SYCP2L: variants seen among roughly 807,000 people sequenced by gnomAD.
SYCP2L encodes the protein synaptonemal complex protein 2 like.
SYCP2L carries 98 observed loss-of-function variants against 125.8 expected under a neutral mutation model. The observed-to-expected ratio is 0.78, with a 90% CI of 0.66 to 0.92. The LOEUF (loss-of-function observed/expected upper bound fraction) is 0.92. Among genes scored for constraint, SYCP2L ranks in the 40% least tolerant of loss-of-function variants. The pLI, the probability that SYCP2L is intolerant of heterozygous loss-of-function variation, is 0.00. For synonymous variants in SYCP2L, 317 were observed against 325.4 expected (o/e 0.97, Z 0.28); for missense variants, 842 against 936.4 (o/e 0.90, Z 1.32).
rs978052637 is a variant in SYCP2L, at chr6:10,908,945, C to G, written c.820-1203C>G. Among the ~76,000 whole-genome samples the G allele has an allele frequency of 2.0e-5, 3 of 152,274 alleles. No individual in the cohort carries two copies. The East Asian group carries it at 5.8e-4, about 29-fold the overall frequency. On this transcript the variant is annotated intron_variant, in intron 10 of 29. Coordinates refer to ENST00000283141, the MANE Select transcript of SYCP2L (RefSeq NM_001040274.3). ...AAAGCCCACCTCAAAGTCTTGAGAA[C>G]TCAGTGAGAGAAACTGAAAGGTCCA...
intron 17 of SYCP2L, among the ~76,000 whole-genome samples, chr6:10,927,831 G>A (rs148602330): frequency 0.016 from 2,451 of 151,008 alleles, 30 homozygotes; most frequent in South Asian, 0.034. Context: ...CTACAGTCTC[G>A]ACCATAGAAG....
intron 8 of SYCP2L, among the ~76,000 whole-genome samples, chr6:10,903,279 T>G (rs986352609): frequency 6.6e-6 from 1 of 151,836 alleles, no homozygotes; most frequent in Non-Finnish European, 1.5e-5. Context: ...CCAGGCGTGG[T>G]GGCTCACGCC....
chr6:10,967,213 A>G (rs1781696769), intron 29 of SYCP2L, among the ~76,000 whole-genome samples: 1 of 152,152 alleles, frequency 6.6e-6, no homozygotes, highest in Non-Finnish European at 1.5e-5. Flanking sequence ...TATTTTTAAT[A>G]TAAGTTTTAT....
Position 10,928,444 on chromosome 6 carries a change from A to G in SYCP2L, c.1482A>G (p.Gln494=). ...CGTTCGGGGTCCCTGACTTCCCGCA[A>G]CAACCTGTGAGTACAGGGAGTGGGG... ...VPPFGVPDFP[Q]QPKSHYRKHL... The change falls in exon 18 of 30, where the codon CAA becomes CAG. Residue 494 remains glutamine, a synonymous_variant. Coordinates refer to ENST00000283141, the MANE Select transcript of SYCP2L (RefSeq NM_001040274.3). 1 of 1,587,120 alleles carries G rather than the reference A, an allele frequency of 6.3e-7. No individual in the cohort carries two copies. The highest frequency in any genetic ancestry group is 2.4e-5 in the East Asian group (1 of 42,358).
chr6:10,905,219 T>C (rs1780466058), intron 8 of SYCP2L, among the ~76,000 whole-genome samples: 1 of 150,130 alleles, frequency 6.7e-6, no homozygotes, highest in Non-Finnish European at 1.5e-5. Context: ...TGAGTGAATA[T>C]ACAATTCAGG....
chr6:10,942,535 A>G lies in SYCP2L; in HGVS notation c.1884+6A>G, dbSNP rs748741759. ...AAGATGAAGAAAAACCTAAGGTACT[A>G]TTTAATTGTTGGTTATTCATCTGAT... On this transcript the variant is annotated splice_donor_region_variant and intron_variant, in intron 22 of 29. Transcript: ENST00000283141. 1.9e-6 allele frequency: 3 copies of G among 1,601,808 alleles called. No individual in the cohort carries two copies. The highest frequency in any genetic ancestry group is 2.3e-5 in the South Asian group (2 of 88,696).
chr6:10,939,148 T>G (rs1248983202), intron 21 of SYCP2L, among the ~76,000 whole-genome samples: 2 of 151,072 alleles, frequency 1.3e-5, no homozygotes, highest in Admixed American at 6.6e-5. Context: ...TCATTGATAA[T>G]AGCTTACAAA....
intron 21 of SYCP2L, among the ~76,000 whole-genome samples, chr6:10,936,564 ACAAT>A (rs1272134995): frequency 6.6e-6 from 1 of 152,198 alleles, no homozygotes; most frequent in African/African-American, 2.4e-5. Context: ...CAAAAGAGTA[ACAAT>A]CAACAAAATG....
At chr6:10,942,170 A>G (rs1781236057) in intron 21 of SYCP2L, among the ~76,000 whole-genome samples, 1 of 124,530 alleles carries the variant, frequency 8.0e-6, no homozygotes, top group African/African-American at 3.0e-5. Context: ...GGGGGGAGGG[A>G]TAGCATTAAG....
intron 8 of SYCP2L, among the ~76,000 whole-genome samples, chr6:10,903,762 A>G (rs977926704): frequency 4.6e-5 from 7 of 151,978 alleles, no homozygotes; most frequent in Non-Finnish European, 8.8e-5. Context: ...AAAAAATAAA[A>G]ATAAATAAAA....
intron 23 of SYCP2L, among the ~76,000 whole-genome samples, chr6:10,946,803 CTAAG>C (rs572863102): frequency 3.8e-4 from 58 of 151,422 alleles, no homozygotes; most frequent in Non-Finnish European, 6.5e-4. Flanking sequence ...TAAAATTTGT[CTAAG>C]TAAGTCTAAA....
rs1781312953 is a variant in SYCP2L, at chr6:10,946,214, A to AT, written c.1954+3474dup. ...CATTTTGCATAAGTATTTTTATTGT[A>AT]TTTTTTACCTCTACTCATTTGTAGT... On this transcript the variant is annotated intron_variant, in intron 23 of 29. Coordinates refer to ENST00000283141, the MANE Select transcript of SYCP2L (RefSeq NM_001040274.3). Among the ~76,000 whole-genome samples, 5 of 151,668 alleles carry AT rather than the reference A, an allele frequency of 3.3e-5. No homozygotes were observed. The South Asian group carries it at 8.3e-4, about 25-fold the overall frequency.
Position 10,930,452 on chromosome 6 carries a change from A to G in SYCP2L, c.1571A>G (p.Lys524Arg), listed in dbSNP as rs1581831349. 1.2e-6 allele frequency: 2 copies of G among 1,613,826 alleles called. No individual in the cohort carries two copies. The highest frequency in any genetic ancestry group is 2.2e-5 in the East Asian group (1 of 44,772). The change falls in exon 19 of 30, where the codon AAA (lysine) becomes AGA (arginine). Residue 524 changes from lysine (K) to arginine (R), a missense_variant. Lys to Arg is a conservative substitution (Grantham distance 26). Coordinates refer to ENST00000283141, the MANE Select transcript of SYCP2L (RefSeq NM_001040274.3). ...GAACTATCTTGGACCAGTAACCAGA[A>G]AAAGAAATCCCTAAAATCATATTCC... ...TSELSWTSNQ[K>R]KKSLKSYSSR...
At chr6:10,913,522 T>A (rs1373226388) in intron 14 of SYCP2L, among the ~76,000 whole-genome samples, 1 of 152,206 alleles carries the variant, frequency 6.6e-6, no homozygotes, top group Non-Finnish European at 1.5e-5. Flanking sequence ...TTGTATATCT[T>A]TTGAGAATTG....
At chr6:10,898,722 ATGCCT>A in intron 5 of SYCP2L, 97 bp from the exon 6 acceptor site, 1 of 827,094 alleles carries the variant, frequency 1.2e-6, no homozygotes, top group Non-Finnish European at 2.0e-6. Flanking sequence ...TGTAAAGTCA[ATGCCT>A]GCCTGTTAGA....
chr6:10,900,121 A>G (rs1336150250), intron 6 of SYCP2L, among the ~76,000 whole-genome samples: 1 of 152,190 alleles, frequency 6.6e-6, no homozygotes, highest in Admixed American at 6.5e-5. Context: ...TGACTGTGTT[A>G]GTCCAATTAG....
intron 4 of SYCP2L, 149 bp downstream of exon 4, chr6:10,894,353 C>A: frequency 9.2e-7 from 1 of 1,081,300 alleles, no homozygotes; most frequent in Non-Finnish European, 1.3e-6. Context: ...TCTGTCTAAC[C>A]AAAAATTAAA....
chr6:10,923,308 G>A (rs369216697), intron 14 of SYCP2L, among the ~76,000 whole-genome samples: 30 of 151,258 alleles, frequency 2.0e-4, no homozygotes, highest in African/African-American at 5.3e-4. Context: ...TTGTAAGCCC[G>A]ATTACAATTT....
chr6:10,907,666 G>A lies in SYCP2L; in HGVS notation c.801G>A (p.Lys267=), dbSNP rs1780521531. Residue 267 remains lysine (K), a synonymous_variant, in exon 10 of 30, where the codon AAG becomes AAA. Transcript: ENST00000283141. ...TTGCTGAAGCTTTCAAAGAAATTAA[G>A]GATCGAGAATTTGAGACGGTGAGAT... ...EVIAEAFKEI[K]DREFETDSRR... is the part of the protein sequence containing the mutation. 1 of 1,612,308 alleles carries A rather than the reference G, an allele frequency of 6.2e-7. No individual in the cohort carries two copies. Among genetic ancestry groups the A allele is most frequent in the Non-Finnish European group, 8.5e-7 (1 of 1,179,500 alleles).
Sources: allele counts gnomAD v4.1 joint callset (sites outside exome capture counted in the v4.1 genomes callset), GRCh38; gene constraint gnomAD v4.1.1; transcripts MANE v1.5; gene names NCBI Gene and HGNC (gene_info 2026-07-23, HGNC 2026-07-21).